Variants in SCRG1 observed in about 807,000 individuals in gnomAD.
The protein encoded by SCRG1 is scrapie-responsive protein 1.
A neutral mutation model predicts 7.7 loss-of-function variants in SCRG1; 3 were observed. That is an observed-to-expected ratio of 0.39 (90% confidence interval 0.18 to 1.01). The LOEUF is 1.01. Ranked by LOEUF, SCRG1 falls within the 50% of genes least tolerant of loss-of-function variation. The probability of loss-of-function intolerance (pLI) is 0.36; values close to 1 mark genes in which losing one functional copy is unlikely to be tolerated. For synonymous variants in SCRG1, 46 were observed against 41.2 expected (o/e 1.12, Z -0.44); for missense variants, 110 against 117.2 (o/e 0.94, Z 0.28).
chr4:173,426,509 C>G, the SCRG1 span, among the ~76,000 whole-genome samples: 3 of 152,208 alleles, frequency 2.0e-5, no homozygotes, highest in Non-Finnish European at 4.4e-5. Context: ...CTCTGTTGCC[C>G]AGGCTGGAGT....
the SCRG1 span, among the ~76,000 whole-genome samples, chr4:173,484,351 A>G: frequency 1.5e-5 from 1 of 64,920 alleles, no homozygotes; most frequent in African/African-American, 5.9e-5. Flanking sequence ...ATTATATAAT[A>G]TATAATATAT....
At chr4:173,463,876 A>C in the SCRG1 span, among the ~76,000 whole-genome samples, 1 of 152,158 alleles carries the variant, frequency 6.6e-6, no homozygotes, top group Non-Finnish European at 1.5e-5. Flanking sequence ...CTGGCGTTCT[A>C]TCCAGTGGAT....
the SCRG1 span, among the ~76,000 whole-genome samples, chr4:173,432,586 G>A: frequency 6.6e-6 from 1 of 151,998 alleles, no homozygotes; most frequent in Admixed American, 6.6e-5. Context: ...GTGTCTACAT[G>A]ACCTTCCAGC....
At chr4:173,512,947 GTTA>G in the SCRG1 span, among the ~76,000 whole-genome samples, 1 of 152,166 alleles carries the variant, frequency 6.6e-6, no homozygotes, top group Non-Finnish European at 1.5e-5. Flanking sequence ...TCTACACATA[GTTA>G]TTATACTGCA....
chr4:173,429,291 A>AT, the SCRG1 span, among the ~76,000 whole-genome samples: 6 of 122,724 alleles, frequency 4.9e-5, no homozygotes, highest in South Asian at 2.5e-4. Flanking sequence ...TGAGAAAAAA[A>AT]ATTTTTTTTT....
the SCRG1 span, among the ~76,000 whole-genome samples, chr4:173,493,201 AG>A: frequency 6.6e-6 from 1 of 152,084 alleles, no homozygotes; most frequent in African/African-American, 2.4e-5. Context: ...TAATTGAATC[AG>A]GGGGCAGACT....
chr4:173,516,673 G>A, the SCRG1 span, among the ~76,000 whole-genome samples: 218 of 152,336 alleles, frequency 1.4e-3, no homozygotes, highest in African/African-American at 4.9e-3. Flanking sequence ...CTGCGTAAGA[G>A]AGCGTTCCAA....
the SCRG1 span, among the ~76,000 whole-genome samples, chr4:173,480,376 T>A: frequency 6.6e-6 from 1 of 152,138 alleles, no homozygotes; most frequent in Non-Finnish European, 1.5e-5. Flanking sequence ...TTTTGTTTTT[T>A]TTTAAGGCCT....
the SCRG1 span, among the ~76,000 whole-genome samples, chr4:173,484,233 A>C: frequency 1.3e-5 from 1 of 77,652 alleles, no homozygotes; most frequent in Non-Finnish European, 2.2e-5. Context: ...TATAATATAT[A>C]TTTATATATT....
the SCRG1 span, among the ~76,000 whole-genome samples, chr4:173,518,079 G>A: frequency 2.0e-5 from 3 of 152,234 alleles, no homozygotes; most frequent in Non-Finnish European, 2.9e-5. Context: ...AAAAGAAATT[G>A]CCTATCCTTA....
rs1739254371 is a variant in SCRG1 at position 173,386,547 on chromosome 4, T to C, written c.*1794A>G. 1 of 152,128 alleles carries C rather than the reference T, an allele frequency of 6.6e-6. No individual in the cohort carries two copies. 9.4% of individuals were successfully genotyped at this position (152,128 alleles called of 1,614,324 possible). On this transcript the variant is annotated 3_prime_UTR_variant, in exon 3 of 3. Transcript: ENST00000296506. ...TACACAGATTAGATACCAGACACTG[T>C]TTTGGGTGTGGTCTTTCAGCCCAGT...
the SCRG1 span, among the ~76,000 whole-genome samples, chr4:173,417,953 T>C: frequency 1.3e-5 from 2 of 152,162 alleles, no homozygotes; most frequent in African/African-American, 4.8e-5. Flanking sequence ...AATAATTTGG[T>C]GGTGGCTTAA....
chr4:173,442,742 C>T, the SCRG1 span, among the ~76,000 whole-genome samples: 9 of 152,148 alleles, frequency 5.9e-5, no homozygotes, highest in African/African-American at 7.2e-5. Flanking sequence ...GTCATATCAT[C>T]GTGGAAGGGC....
chr4:173,490,362 C>T, the SCRG1 span, among the ~76,000 whole-genome samples: 1 of 152,128 alleles, frequency 6.6e-6, no homozygotes, highest in Non-Finnish European at 1.5e-5. Context: ...AGGTTAATTT[C>T]TCACACATTT....
chr4:173,424,085 T>C, the SCRG1 span, among the ~76,000 whole-genome samples: 1 of 152,226 alleles, frequency 6.6e-6, no homozygotes, highest in Admixed American at 6.5e-5. Context: ...AATACTCTTA[T>C]AATGGCAATT....
At chr4:173,504,197 C>G in the SCRG1 span, among the ~76,000 whole-genome samples, 14 of 152,094 alleles carry the variant, frequency 9.2e-5, no homozygotes, top group Non-Finnish European at 1.5e-4. The surrounding 1 kb of genome is among the most constrained non-coding windows in gnomAD (Gnocchi z 4.7). Context: ...TCTTTTTGGT[C>G]TTGGCTTAAG....
upstream of SCRG1, chr4:173,404,090 A>G (rs1739834885): frequency 6.6e-6 from 1 of 152,254 alleles, no homozygotes. Context: ...TAGTTTCCAG[A>G]TGGGGGAACT....
At chr4:173,440,380 T>A in the SCRG1 span, among the ~76,000 whole-genome samples, 4 of 152,200 alleles carry the variant, frequency 2.6e-5, no homozygotes, top group Admixed American at 1.3e-4. Context: ...CATGGGTTAG[T>A]GGGAATTTGA....
At chr4:173,395,415 C>T (rs1035531442) in intron 1 of SCRG1, among the ~76,000 whole-genome samples, 4 of 152,218 alleles carry the variant, frequency 2.6e-5, no homozygotes, top group African/African-American at 7.2e-5. Flanking sequence ...ACTTCTTGGG[C>T]TAACCTAAGG....
Sources: gnomAD v4.1 joint callset for allele counts (sites outside exome capture counted in the v4.1 genomes callset) on GRCh38, gnomAD v4.1.1 for gene constraint, Gnocchi (gnomAD v3.1) non-coding constraint, MANE v1.5 for transcripts, NCBI Gene and HGNC (gene_info 2026-07-23, HGNC 2026-07-21) for gene names.